Variants in ANK3 observed in about 807,000 individuals in gnomAD.
ANK3 encodes ankyrin-3.
ANK3 carries 57 observed loss-of-function variants against 370.9 expected under a neutral mutation model. The ratio of observed to expected loss-of-function variants is 0.15; its 90% CI spans 0.12 to 0.19. The LOEUF is 0.19. Among genes scored for constraint, ANK3 ranks in the 10% least tolerant of loss-of-function variants. The probability of loss-of-function intolerance (pLI) is 1.00; values close to 1 mark genes in which losing one functional copy is unlikely to be tolerated. For synonymous variants in ANK3, 1,929 were observed against 1,946.3 expected (o/e 0.99, Z 0.23); for missense variants, 4,439 against 5,302.1 (o/e 0.84, Z 5.06).
chr10:60,372,101 T>C (rs1201319095), intron 1 of ANK3, among the ~76,000 whole-genome samples: 1 of 152,220 alleles, frequency 6.6e-6, no homozygotes, highest in African/African-American at 2.4e-5. Context: ...TGTTGCAGTA[T>C]ATCCACAAAT....
At chr10:60,387,406 G>A (rs988919018) in intron 1 of ANK3, among the ~76,000 whole-genome samples, 2 of 152,052 alleles carry the variant, frequency 1.3e-5, no homozygotes, top group African/African-American at 4.8e-5. Flanking sequence ...AGGAAATCTA[G>A]AGTGTTTTCA....
chr10:60,186,148 C>T (rs1017046538), intron 17 of ANK3, among the ~76,000 whole-genome samples: 16 of 152,184 alleles, frequency 1.1e-4, no homozygotes, highest in Admixed American at 3.3e-4. Context: ...CAAAGGGCTA[C>T]AATTTGCAGC....
intron 25 of ANK3, among the ~76,000 whole-genome samples, chr10:60,114,949 T>G (rs1013645190): frequency 6.6e-6 from 1 of 152,186 alleles, no homozygotes; most frequent in African/African-American, 2.4e-5. Context: ...AGATTTGTAC[T>G]TTTAACCTAC....
At chr10:60,038,612 G>C (rs900916710) in intron 43 of ANK3, among the ~76,000 whole-genome samples, 1 of 152,096 alleles carries the variant, frequency 6.6e-6, no homozygotes, top group Non-Finnish European at 1.5e-5. Flanking sequence ...CTAACATCGA[G>C]CATCTATAAG....
rs763036379 is a variant in ANK3, at chr10:60,075,985, A to G, written c.4896T>C (p.Ser1632=). 6.2e-7 allele frequency: 1 copy of G among 1,614,192 alleles called. No individual in the cohort carries two copies. The highest frequency in any genetic ancestry group is 1.7e-5 in the Admixed American group (1 of 60,020). Residue 1632 remains serine, a synonymous_variant, in exon 37 of 44, where the codon TCT becomes TCC. Transcript: ENST00000280772. ...SRTSPVTTAG[S]LLERSSITMT... Reference sequence around the variant, plus strand: ...TAGTAATTGATGACCTCTCCAAAAGAGACCCTGCTGTAGTCACTGGAGAGG... The same window carrying G: ...TAGTAATTGATGACCTCTCCAAAAGGGACCCTGCTGTAGTCACTGGAGAGG...
intron 2 of ANK3, among the ~76,000 whole-genome samples, chr10:60,472,862 T>C (rs1454762615): frequency 1.3e-5 from 2 of 152,166 alleles, no homozygotes; most frequent in African/African-American, 4.8e-5. Flanking sequence ...ATACAACATT[T>C]GTAAAATCAT....
At chr10:60,354,392 CA>C (rs1360077301) in intron 1 of ANK3, among the ~76,000 whole-genome samples, 1 of 152,192 alleles carries the variant, frequency 6.6e-6, no homozygotes, top group African/African-American at 2.4e-5. Context: ...TTTAAAGACA[CA>C]AGATGGATTA....
intron 2 of ANK3, among the ~76,000 whole-genome samples, chr10:60,587,010 AG>A (rs1455948350): frequency 1.3e-5 from 2 of 152,188 alleles, no homozygotes; most frequent in African/African-American, 4.8e-5. Flanking sequence ...TAATTTATAA[AG>A]GAAAGATGCT....
chr10:60,204,353 A>G (rs1310325265), intron 11 of ANK3, among the ~76,000 whole-genome samples: 1 of 152,172 alleles, frequency 6.6e-6, no homozygotes, highest in Non-Finnish European at 1.5e-5. Flanking sequence ...ACATCAGCCA[A>G]GAATTTACTT....
intron 1 of ANK3, among the ~76,000 whole-genome samples, chr10:60,301,959 C>G (rs189632777): frequency 2.6e-4 from 39 of 152,204 alleles, no homozygotes; most frequent in Non-Finnish European, 2.4e-4. Context: ...CCATGGTAGG[C>G]TCAATTAAGC....
intron 1 of ANK3, among the ~76,000 whole-genome samples, chr10:60,281,741 T>C (rs1057027125): frequency 6.6e-6 from 1 of 152,108 alleles, no homozygotes; most frequent in African/African-American, 2.4e-5. Context: ...AGCAGCAGTT[T>C]AAGTTGAGAA....
intron 18 of ANK3, among the ~76,000 whole-genome samples, chr10:60,177,225 G>A (rs1173612406): frequency 2.0e-5 from 3 of 152,152 alleles, no homozygotes; most frequent in South Asian, 2.1e-4. Context: ...AGTGGATCCC[G>A]AGGGTTTTGT....
At chr10:60,119,389 T>C (rs2093324512) in intron 25 of ANK3, among the ~76,000 whole-genome samples, 2 of 152,252 alleles carry the variant, frequency 1.3e-5, no homozygotes, top group African/African-American at 4.8e-5. Context: ...ATGTTTGTTC[T>C]GACATGTTAC....
At chr10:60,167,198 G>A (rs1439500785) in intron 21 of ANK3, among the ~76,000 whole-genome samples, 1 of 152,124 alleles carries the variant, frequency 6.6e-6, no homozygotes, top group Non-Finnish European at 1.5e-5. Context: ...CTACTCCACT[G>A]CTATACTTTT....
chr10:60,271,064 ATGT>A (rs1432063211), intron 4 of ANK3, among the ~76,000 whole-genome samples: 3 of 152,158 alleles, frequency 2.0e-5, no homozygotes, highest in Non-Finnish European at 4.4e-5. Flanking sequence ...TACTAAAAAA[ATGT>A]TGTATATATA....
chr10:60,083,771 ATGT>A (rs2085907201), intron 32 of ANK3, among the ~76,000 whole-genome samples, 154 bp from the exon 33 acceptor site: 1 of 152,250 alleles, frequency 6.6e-6, no homozygotes, highest in Non-Finnish European at 1.5e-5. Flanking sequence ...AACAAAAATA[ATGT>A]TGTGTGCTTA....
Position 60,075,758 on chromosome 10 carries a change from G to A in ANK3, c.5123C>T (p.Pro1708Leu), listed in dbSNP as rs201323956. Residue 1708 changes from proline (P) to leucine (L), a missense_variant, in exon 37 of 44, where the codon CCT (proline) becomes CTT (leucine). Coordinates refer to ENST00000280772, the MANE Select transcript of ANK3 (RefSeq NM_020987.5). ...SSLSSPVKQM[P>L]GHAEVALVNG... Reference sequence around the variant, plus strand: ...GACTAATGCTACCTCTGCATGTCCAGGCATCTGCTTCACAGGTGATGAGAG... The same window carrying A: ...GACTAATGCTACCTCTGCATGTCCAAGCATCTGCTTCACAGGTGATGAGAG... The A allele has an allele frequency of 3.2e-5, 52 of 1,614,106 alleles. No individual in the cohort carries two copies. In the East Asian group the frequency reaches 1.1e-3, roughly 35 times the overall value.
At position 60,727,091 on chromosome 10, in the gene ANK3, T is replaced by C. The variant is rs923564247; in HGVS notation, c.57+6172A>G. Among the ~76,000 whole-genome samples the C allele has an allele frequency of 3.3e-5, 5 of 152,086 alleles. 1 individual carries two copies. The highest frequency in any genetic ancestry group is 2.0e-4 in the Admixed American group (3 of 15,268). ...TACAGAGTTAAGTACATACTAACCT[T>C]AGATCCTACAATTTCAGTCTTAAGC... On this transcript the variant is annotated intron_variant, in intron 1 of 43. Transcript: ENST00000373827.
chr10:60,317,521 T>C (rs1268367341), intron 1 of ANK3, among the ~76,000 whole-genome samples: 1 of 152,130 alleles, frequency 6.6e-6, no homozygotes, highest in Non-Finnish European at 1.5e-5. Context: ...TTACATCTCA[T>C]AACTTACTTT....
Sources: allele counts gnomAD v4.1 joint callset (sites outside exome capture counted in the v4.1 genomes callset), GRCh38; gene constraint gnomAD v4.1.1; transcripts MANE v1.5; gene names NCBI Gene and HGNC (gene_info 2026-07-23, HGNC 2026-07-21).